TTN: variants seen among roughly 807,000 people sequenced by gnomAD.
TTN encodes the protein titin, also known as connectin.
In TTN, 1,525 loss-of-function variants were observed where a neutral mutation model predicts 3,223.0. That is an observed-to-expected ratio of 0.47 (90% CI 0.45 to 0.49). The LOEUF is 0.49. Among genes scored for constraint, TTN ranks in the 20% least tolerant of loss-of-function variants. The pLI is 0.00. For missense variants in TTN, 40,786 were observed against 43,424.0 expected, an observed-to-expected ratio of 0.94 and a Z score of 5.40; for synonymous variants, 14,094 against 15,161.0, an observed-to-expected ratio of 0.93 and a Z score of 5.17.
At chr2:178,646,621 A>G in intron 215 of TTN, 62 bp from the exon 216 acceptor site, 1 of 894,234 alleles carries the variant, frequency 1.1e-6, no homozygotes, top group Non-Finnish European at 1.8e-6. Context: ...AAAGACTCAT[A>G]CAAATTTCAC....
At chr2:178,781,823 T>G (rs1235844387) in intron 20 of TTN, among the ~76,000 whole-genome samples, 1 of 152,146 alleles carries the variant, frequency 6.6e-6, no homozygotes, top group East Asian at 1.9e-4. Flanking sequence ...GCTTTCTTCT[T>G]CATTACATGG....
In TTN at chr2:178,575,664, G is replaced by C. The variant is rs1397554911; in HGVS notation, c.70468C>G (p.His23490Asp). The change falls in exon 326 of 363, where the codon CAT (histidine) becomes GAT (aspartate). Residue 23490 changes from histidine (H) to aspartate (D), a missense_variant. His to Asp is a moderately conservative substitution (Grantham distance 81). Coordinates refer to ENST00000589042, the MANE Select transcript of TTN (RefSeq NM_001267550.2). This position sits in a 1 kb window ranked among gnomAD's most constrained non-coding sequence, Gnocchi z 4.0. ...KSYSTATTKC[H>D]KCTYKVTGLS... Reference sequence around the variant, plus strand: ...CCGGTAACTTTATATGTGCATTTATGGCACTTAGTGGTGGCTGTGGAATAA... The same window carrying C: ...CCGGTAACTTTATATGTGCATTTATCGCACTTAGTGGTGGCTGTGGAATAA... 3 of 1,613,394 alleles carry C rather than the reference G, an allele frequency of 1.9e-6. No homozygotes were observed. Among genetic ancestry groups the C allele is most frequent in the African/African-American group, 1.3e-5 (1 of 74,856 alleles).
rs767324599 is a variant in TTN at position 178,680,019 on chromosome 2, A to G, written c.33455T>C (p.Val11152Ala). The G allele has an allele frequency of 5.0e-6, 8 of 1,613,050 alleles. No homozygotes were observed. Among genetic ancestry groups the G allele is most frequent in the Admixed American group, 1.7e-5 (1 of 59,868 alleles). The change falls in exon 140 of 363, where the codon GTT becomes GCT. Residue 11152 changes from valine (V) to alanine (A), a missense_variant. Physicochemically the swap from Val to Ala is moderately conservative, Grantham distance 64. Transcript: ENST00000589042. ...EVPKELEPEE[V>A]AFEEEVVTHV... Reference sequence around the variant, plus strand: ...GGTTACAACTTCCTCTTCAAAGGCAACCTCTTCTGGTTCAAGTTCTTTAGG... The same window carrying G: ...GGTTACAACTTCCTCTTCAAAGGCAGCCTCTTCTGGTTCAAGTTCTTTAGG...
chr2:178,564,792 T>G lies in TTN; in HGVS notation c.81340A>C (p.Lys27114Gln), dbSNP rs962009573. The G allele has an allele frequency of 4.3e-6, 7 of 1,612,224 alleles. No individual in the cohort carries two copies. Among genetic ancestry groups the G allele is most frequent in the Non-Finnish European group, 5.9e-6 (7 of 1,179,122 alleles). ...IIGYHLEQKE[K>Q]NSILWVKLNK... ...AACTTGACCCATAAAATACTGTTCT[T>G]TTCTTTCTGTTCAAGATGGTAGCCA... Residue 27114 changes from lysine (K) to glutamine (Q), a missense_variant, in exon 326 of 363, where the codon AAG becomes CAG. By Grantham distance (53) the Lys-to-Gln change is moderately conservative. Coordinates refer to ENST00000589042, the MANE Select transcript of TTN (RefSeq NM_001267550.2).
Position 178,535,649 on chromosome 2 carries a change from G to A in TTN, c.100966C>T (p.Pro33656Ser), listed in dbSNP as rs559295181. 8.1e-6 allele frequency: 13 copies of A among 1,613,722 alleles called. No individual in the cohort carries two copies. The highest frequency in any genetic ancestry group is 3.3e-5 in the Admixed American group (2 of 60,008). Reference sequence around the variant, plus strand: ...GCATCTTTTCTCTCTACCCCATTGGGGAAAACAAGTGATGTGAAGGATCTT... The same window carrying A: ...GCATCTTTTCTCTCTACCCCATTGGAGAAAACAAGTGATGTGAAGGATCTT... Reference protein sequence around the residue: ...VTRSFTSLVFPNGVERKDAGF... With the variant: ...VTRSFTSLVFSNGVERKDAGF... The change falls in exon 358 of 363, where the codon CCC becomes TCC. Residue 33656 changes from proline (P) to serine (S), a missense_variant. Transcript: ENST00000589042.
chr2:178,640,224 A>G (rs2061051052), intron 221 of TTN, 114 bp from the exon 222 acceptor site: 1 of 894,874 alleles, frequency 1.1e-6, no homozygotes, highest in Non-Finnish European at 1.7e-6. Flanking sequence ...TTATATACAT[A>G]TAATTATCAA....
At chr2:178,617,612 C>G in intron 253 of TTN, 100 bp from the exon 254 acceptor site, 1 of 1,406,780 alleles carries the variant, frequency 7.1e-7, no homozygotes, top group Non-Finnish European at 9.6e-7. Context: ...ACAGGTTTAT[C>G]AAATTCACTA....
At position 178,613,140 on chromosome 2, in the gene TTN, CA is replaced by C. The variant is rs1559797521; in HGVS notation, c.49648+20del. On this transcript the variant is annotated intron_variant, in intron 264 of 362. Coordinates refer to ENST00000589042, the MANE Select transcript of TTN (RefSeq NM_001267550.2). ...GTTCATATGAACTTCGAAATAACCA[CA>C]AAAATTATATAAATAATACCTATGG... The C allele has an allele frequency of 3.1e-6, 5 of 1,606,992 alleles. No individual in the cohort carries two copies. Among genetic ancestry groups the C allele is most frequent in the Non-Finnish European group, 4.2e-6 (5 of 1,177,680 alleles).
Position 178,777,885 on chromosome 2 carries a change from GGACATCCGTGCAGGA to G in TTN, c.4284_4298del (p.Ala1435_Pro1439del), listed in dbSNP as rs772131691. 1 of 1,613,796 alleles carries G rather than the reference GGACATCCGTGCAGGA, an allele frequency of 6.2e-7. No individual in the cohort carries two copies. The highest frequency in any genetic ancestry group is 8.5e-7 in the Non-Finnish European group (1 of 1,179,924). ...TACGTCCAGGGGACATTCTTGCAGG[GGACATCCGTGCAGGA>G]GACATCCTTGCAGGTGACATCCGTG... On this transcript the variant is annotated inframe_deletion, in exon 25 of 363. Transcript: ENST00000589042.
chr2:178,544,169 A>G lies in TTN; in HGVS notation c.96028+32T>C, dbSNP rs539002809. On this transcript the variant is annotated intron_variant, in intron 345 of 362. Coordinates refer to ENST00000589042, the MANE Select transcript of TTN (RefSeq NM_001267550.2). ...ATTCATGGACAGGTGTGAGAAGAAAATAATTCACCTAAAAGCTTCTGTGAT... is the reference window on the plus strand; with the variant it reads ...ATTCATGGACAGGTGTGAGAAGAAAGTAATTCACCTAAAAGCTTCTGTGAT... 20 of 1,605,688 alleles carry G rather than the reference A, an allele frequency of 1.2e-5. No homozygotes were observed. In the African/African-American group the frequency reaches 2.3e-4, roughly 18 times the overall value.
chr2:178,609,699 CT>C lies in TTN; in HGVS notation c.51723del (p.Ala17242LeufsTer2). Reference sequence around the variant, plus strand: ...CAAAACTTACCAATGGGATCTACAGCTTTGGTTGGAGGAGTAGCCCGAGAAG... The same window carrying C: ...CAAAACTTACCAATGGGATCTACAGCTTGGTTGGAGGAGTAGCCCGAGAAG... ...SEPSRATPPT[K>X]AVDPIDAPKV... On this transcript the variant is annotated frameshift_variant, in exon 272 of 363. Transcript: ENST00000589042. LOFTEE classifies it high-confidence loss of function. The C allele has an allele frequency of 6.3e-7, 1 of 1,596,086 alleles. No homozygotes were observed. Among genetic ancestry groups the C allele is most frequent in the Non-Finnish European group, 8.6e-7 (1 of 1,169,288 alleles).
Position 178,790,242 on chromosome 2 carries a change from A to G in TTN, c.1801-127T>C, listed in dbSNP as rs1227339369. ...TCAAGGAAATTTTAATTGCACTAAA[A>G]TATATCATTTGAGTTACTTTGATCA... On this transcript the variant is annotated intron_variant, in intron 11 of 362. Coordinates refer to ENST00000589042, the MANE Select transcript of TTN (RefSeq NM_001267550.2). 3.1e-6 allele frequency: 3 copies of G among 967,208 alleles called. No individual in the cohort carries two copies. The African/African-American group carries it at 5.0e-5, about 16-fold the overall frequency. The allele number at this position is 967,208 out of a possible 1,614,324, so 59.9% of individuals were successfully genotyped here.
chr2:178,659,493 G>A (rs1396644836), intron 180 of TTN, among the ~76,000 whole-genome samples: 2 of 148,550 alleles, frequency 1.3e-5, no homozygotes, highest in East Asian at 2.0e-4. Flanking sequence ...AAATTCAACA[G>A]CCCTTCATGC....
rs758006957 is a variant in TTN, at chr2:178,531,143, G to T, written c.105472C>A (p.Pro35158Thr). The T allele has an allele frequency of 6.2e-7, 1 of 1,613,962 alleles. No individual in the cohort carries two copies. The highest frequency in any genetic ancestry group is 8.5e-7 in the Non-Finnish European group (1 of 1,179,874). Residue 35158 changes from proline to threonine, a missense_variant, in exon 358 of 363, where the codon CCA becomes ACA. By Grantham distance (38) the Pro-to-Thr change is conservative. Transcript: ENST00000589042. ...CCTTTACGCAGCCAGGTCACAGTTG[G>T]TACCGGCTCACCATCGGTGTCACAA... ...FSCDTDGEPVPTVTWLRKGQV... is the reference protein window; with the variant it reads ...FSCDTDGEPVTTVTWLRKGQV...
At chr2:178,764,354 C>G (rs533341517) in intron 42 of TTN, 52 bp from the exon 43 acceptor site, 1 of 1,613,022 alleles carries the variant, frequency 6.2e-7, no homozygotes, top group African/African-American at 1.3e-5. Flanking sequence ...ATAGAGACCT[C>G]ACAGAAGGGA....
At chr2:178,595,405 G>T in intron 295 of TTN, 102 bp downstream of exon 295, 1 of 1,136,080 alleles carries the variant, frequency 8.8e-7, no homozygotes, top group Non-Finnish European at 1.2e-6. Flanking sequence ...TGCTTGTCAA[G>T]TGAATGAAAT....
At chr2:178,799,776 G>A (rs1178292097) in intron 5 of TTN, 45 bp from the exon 6 acceptor site, 4 of 1,614,160 alleles carry the variant, frequency 2.5e-6, no homozygotes, top group Non-Finnish European at 3.4e-6. Flanking sequence ...GGAATAGCTG[G>A]GGACGCAACA....
Position 178,564,293 on chromosome 2 carries a change from T to G in TTN, c.81839A>C (p.Lys27280Thr). 6.2e-7 allele frequency: 1 copy of G among 1,613,556 alleles called. No homozygotes were observed. The highest frequency in any genetic ancestry group is 1.1e-5 in the South Asian group (1 of 91,078). ...IDAPNASLDP[K>T]YKDVIVVHAG... is the part of the protein sequence containing the mutation. ...ATGAACAACGATGACATCTTTATAT[T>G]TTGGATCCAGAGAGGCATTTGGTGC... Residue 27280 changes from lysine to threonine, a missense_variant, in exon 326 of 363, where the codon AAA (lysine) becomes ACA (threonine). Physicochemically the swap from Lys to Thr is moderately conservative, Grantham distance 78 (BLOSUM62 -1). Transcript: ENST00000589042.
intron 319 of TTN, 21 bp downstream of exon 319, chr2:178,579,540 G>C (rs781215037): frequency 6.2e-7 from 1 of 1,608,284 alleles, no homozygotes; most frequent in African/African-American, 1.3e-5. Context: ...GAAAAATGAA[G>C]ATGTGTGCAT....
Sources: allele counts gnomAD v4.1 joint callset (sites outside exome capture counted in the v4.1 genomes callset), GRCh38; gene constraint gnomAD v4.1.1; non-coding constraint Gnocchi (gnomAD v3.1); transcripts MANE v1.5; gene names NCBI Gene and HGNC (gene_info 2026-07-23, HGNC 2026-07-21).